DAG1: variants seen among roughly 807,000 people sequenced by gnomAD.
DAG1 encodes dystroglycan 1 (dystrophin-associated glycoprotein 1).
Under a neutral mutation model 46.1 loss-of-function variants are expected in DAG1, and 8 were observed. That is an observed-to-expected ratio of 0.17 (90% CI 0.10 to 0.31). The LOEUF (loss-of-function observed/expected upper bound fraction) is 0.31. Among genes scored for constraint, DAG1 ranks in the 10% least tolerant of loss-of-function variants. DAG1 has a pLI of 1.00. For missense variants in DAG1, 1,003 were observed against 1,189.9 expected, an observed-to-expected ratio of 0.84 and a Z score of 2.31; for synonymous variants, 495 against 481.8, an observed-to-expected ratio of 1.03 and a Z score of -0.36.
In DAG1 at chr3:49,533,280, C is replaced by G; in HGVS notation, c.*81C>G. The G allele has an allele frequency of 1.3e-6, 2 of 1,578,436 alleles. No individual in the cohort carries two copies. The highest frequency in any genetic ancestry group is 1.1e-5 in the South Asian group (1 of 88,484). ...GTTGTCTGTGGAGACCGGTGGCCTG[C>G]AGACCATTGCCCACCGGGAGCCGAC... is the stretch of plus-strand genomic sequence containing the variant. On this transcript the variant is annotated 3_prime_UTR_variant, in exon 3 of 3. Transcript: ENST00000308775.
chr3:49,510,408 T>C lies in DAG1; in HGVS notation c.-116-11T>C. On this transcript the variant is annotated splice_polypyrimidine_tract_variant and intron_variant, in intron 1 of 2. Transcript: ENST00000308775. ...TGCTCAAGTCTAAACCTGCTTTTCT[T>C]TTTTTTTCAGGCTCTGTGTGCTCCG... 3.1e-6 allele frequency: 3 copies of C among 954,200 alleles called. No homozygotes were observed. The South Asian group carries it at 3.9e-5, about 12-fold the overall frequency. 59.1% of individuals were successfully genotyped at this position (954,200 alleles called of 1,614,324 possible).
chr3:49,491,627 C>T (rs556782764), intron 1 of DAG1, among the ~76,000 whole-genome samples: 79 of 152,180 alleles, frequency 5.2e-4, no homozygotes, highest in South Asian at 1.2e-3. Flanking sequence ...CAGGCGTCCG[C>T]CAACACGCCT....
intron 2 of DAG1, among the ~76,000 whole-genome samples, chr3:49,527,310 C>T (rs1020705361): frequency 6.6e-6 from 1 of 151,292 alleles, no homozygotes; most frequent in African/African-American, 2.4e-5. Flanking sequence ...GGATCACGAG[C>T]TCAGGAGATC....
At chr3:49,517,214 C>T (rs1453067398) in intron 2 of DAG1, among the ~76,000 whole-genome samples, 2 of 151,748 alleles carry the variant, frequency 1.3e-5, no homozygotes, top group East Asian at 1.9e-4. Context: ...AGGATGGTCT[C>T]GATCTCCTGA....
intron 2 of DAG1, among the ~76,000 whole-genome samples, chr3:49,514,463 G>A (rs945082447): frequency 1.1e-4 from 16 of 151,908 alleles, no homozygotes; most frequent in African/African-American, 3.9e-4. Flanking sequence ...GATCATAGTG[G>A]ATATATTTTT....
intron 1 of DAG1, among the ~76,000 whole-genome samples, chr3:49,491,807 C>T (rs571476250): frequency 6.6e-5 from 10 of 151,984 alleles, no homozygotes; most frequent in Admixed American, 1.3e-4. Context: ...TTAGTAGAGA[C>T]GGGGTTTCGC....
chr3:49,479,031 T>C (rs2049784425), intron 1 of DAG1, among the ~76,000 whole-genome samples: 1 of 151,864 alleles, frequency 6.6e-6, no homozygotes, highest in African/African-American at 2.4e-5. Context: ...GCCAGGCTGG[T>C]CTCCTGACCT....
In DAG1 at chr3:49,531,466, A is replaced by C; in HGVS notation, c.955A>C (p.Thr319Pro). 1 of 1,613,724 alleles carries C rather than the reference A, an allele frequency of 6.2e-7. No individual in the cohort carries two copies. Among genetic ancestry groups the C allele is most frequent in the Non-Finnish European group, 8.5e-7 (1 of 1,179,930 alleles). ...CCGGAGGCAGATCCATGCTACACCCACACCTGTCACTGCCATTGGGCCCCC... is the reference window on the plus strand; with the variant it reads ...CCGGAGGCAGATCCATGCTACACCCCCACCTGTCACTGCCATTGGGCCCCC... Reference protein sequence around the residue: ...RVRRQIHATPTPVTAIGPPTT... With the variant: ...RVRRQIHATPPPVTAIGPPTT... Residue 319 changes from threonine (T) to proline (P), a missense_variant, in exon 3 of 3, where the codon ACA (threonine) becomes CCA (proline). By Grantham distance (38) the Thr-to-Pro change is conservative. This residue lies in a region of DAG1 where 755 missense variants were observed against 854.1 expected (regional missense o/e 0.88). Transcript: ENST00000308775. This position sits in a 1 kb window ranked among gnomAD's most constrained non-coding sequence, Gnocchi z 7.0.
intron 1 of DAG1, among the ~76,000 whole-genome samples, chr3:49,504,938 A>G (rs565958102): frequency 4.4e-5 from 6 of 137,524 alleles, no homozygotes; most frequent in Middle Eastern, 4.0e-3. Context: ...CCATTGGTCT[A>G]TGTATCTGTC....
chr3:49,501,493 T>C (rs982702749), intron 1 of DAG1, among the ~76,000 whole-genome samples: 3 of 152,132 alleles, frequency 2.0e-5, no homozygotes, highest in Non-Finnish European at 1.5e-5. Flanking sequence ...GGGGTGTTGG[T>C]TGAGCTGAGC....
Position 49,532,369 on chromosome 3 carries a change from T to C in DAG1, c.1858T>C (p.Leu620=), listed in dbSNP as rs1466654266. 1.2e-6 allele frequency: 2 copies of C among 1,614,112 alleles called. No individual in the cohort carries two copies. The highest frequency in any genetic ancestry group is 2.2e-5 in the East Asian group (1 of 44,884). The change falls in exon 3 of 3, where the codon TTG becomes CTG. Residue 620 remains leucine, a synonymous_variant. Coordinates refer to ENST00000308775, the MANE Select transcript of DAG1 (RefSeq NM_004393.6). The surrounding 1 kb of genome is among the most constrained non-coding windows in gnomAD (Gnocchi z 5.4). ...AKFVGDPALV[L]NDIHKKIALV... ...GTTTGTGGGTGACCCGGCACTGGTG[T>C]TGAATGACATCCACAAGAAGATTGC...
At chr3:49,482,398 C>G (rs569479902) in intron 1 of DAG1, among the ~76,000 whole-genome samples, 1 of 152,260 alleles carries the variant, frequency 6.6e-6, no homozygotes, top group African/African-American at 2.4e-5. Context: ...AGGCCACTGT[C>G]TCCTGCCTGC....
rs111432411 is a variant in DAG1 at position 49,495,950 on chromosome 3, GA to G, written c.-116-14458del. Among the ~76,000 whole-genome samples the G allele has an allele frequency of 7.8e-4, 113 of 144,884 alleles. 1 individual carries two copies. Among genetic ancestry groups the G allele is most frequent in the Middle Eastern group, 3.5e-3 (1 of 286 alleles). Reference sequence around the variant, plus strand: ...AAACAAAAACAAAAACAAAAAAACAGAAAAAAAAAAACCCCAAATGGATGGT... The same window carrying G: ...AAACAAAAACAAAAACAAAAAAACAGAAAAAAAAAACCCCAAATGGATGGT... On this transcript the variant is annotated intron_variant, in intron 1 of 2. Coordinates refer to ENST00000308775, the MANE Select transcript of DAG1 (RefSeq NM_004393.6).
chr3:49,524,487 A>G (rs1374132314), intron 2 of DAG1, among the ~76,000 whole-genome samples: 1 of 148,836 alleles, frequency 6.7e-6, no homozygotes, highest in Non-Finnish European at 1.5e-5. Flanking sequence ...ACCAATCTGG[A>G]CAACATAGGA....
intron 1 of DAG1, among the ~76,000 whole-genome samples, chr3:49,480,695 AAGG>A (rs1346185380): frequency 2.1e-5 from 3 of 143,750 alleles, no homozygotes; most frequent in African/African-American, 4.9e-5. Context: ...TTCCTACAGG[AAGG>A]AGGTTATTTC....
intron 2 of DAG1, among the ~76,000 whole-genome samples, chr3:49,517,863 T>TA (rs1329164155): frequency 6.6e-6 from 1 of 152,148 alleles, no homozygotes; most frequent in African/African-American, 2.4e-5. Context: ...GCAACAACGG[T>TA]AAGACATGTG....
In DAG1 at chr3:49,532,857, G is replaced by C. The variant is rs763724493; in HGVS notation, c.2346G>C (p.Lys782Asn). ...GCTACCGCAAGAAGCGGAAGGGCAAGCTTACCCTTGAGGACCAGGCCACCT... is the reference window on the plus strand; with the variant it reads ...GCTACCGCAAGAAGCGGAAGGGCAACCTTACCCTTGAGGACCAGGCCACCT... Reference protein sequence around the residue: ...MICYRKKRKGKLTLEDQATFI... With the variant: ...MICYRKKRKGNLTLEDQATFI... Residue 782 changes from lysine to asparagine, a missense_variant, in exon 3 of 3, where the codon AAG (lysine) becomes AAC (asparagine). Physicochemically the swap from Lys to Asn is moderately conservative, Grantham distance 94. Transcript: ENST00000308775. This position sits in a 1 kb window ranked among gnomAD's most constrained non-coding sequence, Gnocchi z 5.4. 1.9e-6 allele frequency: 3 copies of C among 1,614,124 alleles called. No homozygotes were observed. The South Asian group carries it at 3.3e-5, about 18-fold the overall frequency.
Position 49,512,094 on chromosome 3 carries a change from C to T in DAG1, c.285+1275C>T, listed in dbSNP as rs575056037. On this transcript the variant is annotated intron_variant, in intron 2 of 2. Transcript: ENST00000308775. ...TTGTTCAGGCTGGAGTGCAGTGGTA[C>T]AGCCATGGCTCTCTGCAGCCTTAAC... Among the ~76,000 whole-genome samples the T allele has an allele frequency of 2.0e-5, 3 of 151,932 alleles. 1 individual carries two copies. In the South Asian group the frequency reaches 6.2e-4, roughly 32 times the overall value.
At chr3:49,505,572 C>G (rs984551089) in intron 1 of DAG1, among the ~76,000 whole-genome samples, 1 of 152,156 alleles carries the variant, frequency 6.6e-6, no homozygotes, top group Non-Finnish European at 1.5e-5. Context: ...TGATATAGGA[C>G]TATAAGGAGT....
Sources: allele counts gnomAD v4.1 joint callset (sites outside exome capture counted in the v4.1 genomes callset), GRCh38; gene constraint gnomAD v4.1.1; regional missense constraint gnomAD v4.1.1; non-coding constraint Gnocchi (gnomAD v3.1); transcripts MANE v1.5; gene names NCBI Gene and HGNC (gene_info 2026-07-23, HGNC 2026-07-21).